The following TEX2 variants were observed in gnomAD, a reference collection of about 807,000 sequenced individuals.
TEX2 encodes testis expressed 2.
Under a neutral mutation model 106.9 loss-of-function variants are expected in TEX2, and 53 were observed. The ratio of observed to expected loss-of-function variants is 0.50; its 90% CI spans 0.40 to 0.62. The LOEUF (loss-of-function observed/expected upper bound fraction) is 0.62. TEX2 is among the 20% of genes least tolerant of loss of function. The pLI, the probability that TEX2 is intolerant of heterozygous loss-of-function variation, is 0.00. For synonymous variants in TEX2, 523 were observed against 534.8 expected, an observed-to-expected ratio of 0.98 and a Z score of 0.30; for missense variants, 1,207 against 1,379.0, an observed-to-expected ratio of 0.88 and a Z score of 1.98.
At chr17:64,210,997 T>G (rs2032985463) in intron 2 of TEX2, among the ~76,000 whole-genome samples, 1 of 152,106 alleles carries the variant, frequency 6.6e-6, no homozygotes, top group Non-Finnish European at 1.5e-5. Flanking sequence ...AGTCTCACTC[T>G]GTCACCCAGG....
intron 1 of TEX2, among the ~76,000 whole-genome samples, chr17:64,223,418 C>CCTA (rs2033416712): frequency 7.4e-6 from 1 of 135,878 alleles, no homozygotes; most frequent in South Asian, 2.4e-4. Context: ...AACTGCCCTT[C>CCTA]CTAGCTCTGT....
In TEX2 at chr17:64,148,806, T is replaced by G; in HGVS notation, c.*163A>C. On this transcript the variant is annotated 3_prime_UTR_variant, in exon 12 of 12. Transcript: ENST00000584379. ...GACAGTTGTCACTAGATGCAGGGAA[T>G]GACACCTCACAGTGGAATGGGCACT... 1 of 802,368 alleles carries G rather than the reference T, an allele frequency of 1.2e-6. No homozygotes were observed. Among genetic ancestry groups the G allele is most frequent in the Non-Finnish European group, 1.9e-6 (1 of 523,156 alleles). 49.7% of individuals were successfully genotyped at this position (802,368 alleles called of 1,614,324 possible).
At chr17:64,262,263 A>G (rs1555638654) in intron 1 of TEX2, among the ~76,000 whole-genome samples, 1 of 152,250 alleles carries the variant, frequency 6.6e-6, no homozygotes, top group Admixed American at 6.5e-5. Flanking sequence ...AAACACAGTG[A>G]CAAAGTACTT....
At position 64,236,683 on chromosome 17, in the gene TEX2, G is replaced by A. The variant is rs181802042; in HGVS notation, c.-25-22441C>T. Among the ~76,000 whole-genome samples, 461 of 152,322 alleles carry A rather than the reference G, an allele frequency of 3.0e-3. 3 individuals are homozygous for A. Among genetic ancestry groups the A allele is most frequent in the Non-Finnish European group, 2.3e-3 (157 of 68,028 alleles). On this transcript the variant is annotated intron_variant, in intron 1 of 11. Transcript: ENST00000584379. ...CTAGAACTAATCTCCTATGGATACC[G>A]AGGGATGATTACACTACAATACAGG...
chr17:64,234,891 AT>A (rs555233825), intron 1 of TEX2, among the ~76,000 whole-genome samples: 108 of 150,240 alleles, frequency 7.2e-4, no homozygotes, highest in Middle Eastern at 3.5e-3. Flanking sequence ...AAATACAGGT[AT>A]TTTTTTTTTC....
intron 1 of TEX2, among the ~76,000 whole-genome samples, chr17:64,262,472 T>C (rs975678836): frequency 6.6e-6 from 1 of 152,224 alleles, no homozygotes; most frequent in African/African-American, 2.4e-5. Context: ...TGTGGTGCAA[T>C]GTGGCCAGCC....
At chr17:64,172,865 AATAAC>A (rs1253720708) in intron 6 of TEX2, among the ~76,000 whole-genome samples, 1 of 152,260 alleles carries the variant, frequency 6.6e-6, no homozygotes, top group African/African-American at 2.4e-5. Context: ...TTCTACAGGA[AATAAC>A]ATAAGAATAC....
intron 3 of TEX2, 133 bp from the exon 4 acceptor site, chr17:64,194,022 C>T: frequency 1.9e-6 from 1 of 525,374 alleles, no homozygotes; most frequent in Non-Finnish European, 3.0e-6. Flanking sequence ...ACTTTCAACA[C>T]TTGTTCATAA....
At chr17:64,219,785 T>TCTG (rs1371502685) in intron 1 of TEX2, among the ~76,000 whole-genome samples, 1 of 152,164 alleles carries the variant, frequency 6.6e-6, no homozygotes, top group Non-Finnish European at 1.5e-5. Flanking sequence ...TAAGTCTAGT[T>TCTG]CCTGTGAAGG....
At chr17:64,206,591 G>A (rs375295334) in intron 2 of TEX2, among the ~76,000 whole-genome samples, 6 of 101,238 alleles carry the variant, frequency 5.9e-5, no homozygotes, top group South Asian at 5.7e-4. Flanking sequence ...ACGGAGTTTC[G>A]TTCTTGTTGC....
At position 64,188,432 on chromosome 17, in the gene TEX2, G is replaced by A. The variant is rs200364874; in HGVS notation, c.2177-17C>T. Reference sequence around the variant, plus strand: ...GCAAAAGCCCTGGAGCCAAGAAGACGGGGGCTATTCACACAATGAAGAAAA... The same window carrying A: ...GCAAAAGCCCTGGAGCCAAGAAGACAGGGGCTATTCACACAATGAAGAAAA... On this transcript the variant is annotated splice_polypyrimidine_tract_variant and intron_variant, in intron 4 of 11. Coordinates refer to ENST00000584379, the MANE Select transcript of TEX2 (RefSeq NM_001288732.2). 1.9e-5 allele frequency: 30 copies of A among 1,613,476 alleles called. No individual in the cohort carries two copies. Among genetic ancestry groups the A allele is most frequent in the South Asian group, 1.3e-4 (12 of 91,038 alleles).
intron 1 of TEX2, among the ~76,000 whole-genome samples, chr17:64,219,510 A>ACATAACATAACATAACATAACATAAC (rs1567951454): frequency 2.5e-4 from 25 of 99,228 alleles, no homozygotes; most frequent in African/African-American, 8.6e-4. Context: ...CATCTCATCA[A>ACATAACATAACATAACATAACATAAC]ATAAAATAAA....
At chr17:64,241,767 G>T (rs1345818011) in intron 1 of TEX2, among the ~76,000 whole-genome samples, 1 of 152,044 alleles carries the variant, frequency 6.6e-6, no homozygotes, top group Admixed American at 6.5e-5. Context: ...TGAGTAGCTA[G>T]GACTACAGGC....
At chr17:64,158,983 A>AAT (rs1263724408) in intron 8 of TEX2, among the ~76,000 whole-genome samples, 1 of 152,242 alleles carries the variant, frequency 6.6e-6, no homozygotes, top group Non-Finnish European at 1.5e-5. Flanking sequence ...ATATAAGTGA[A>AAT]ATATAATACC....
intron 6 of TEX2, among the ~76,000 whole-genome samples, chr17:64,172,652 G>C (rs114812447): frequency 6.6e-6 from 1 of 152,316 alleles, no homozygotes; most frequent in African/African-American, 2.4e-5. Context: ...CCTTGCCTTT[G>C]CTGCTCCAGA....
At position 64,188,388 on chromosome 17, in the gene TEX2, T is replaced by C. The variant is rs780091722; in HGVS notation, c.2204A>G (p.Asn735Ser). ...GTGGGTCAGGTGCCCGGACGGACTG[T>C]TGTGTCTGCTGTGTGCAGGCAAAAG... ...PGLLPAHSRH[N>S]SPSGHLTHSR... Residue 735 changes from asparagine to serine, a missense_variant, in exon 5 of 12, where the codon AAC becomes AGC. Physicochemically the swap from Asn to Ser is conservative, Grantham distance 46. Transcript: ENST00000584379. The C allele has an allele frequency of 5.0e-6, 8 of 1,614,158 alleles. No homozygotes were observed. Among genetic ancestry groups the C allele is most frequent in the Admixed American group, 1.7e-5 (1 of 60,026 alleles).
intron 6 of TEX2, among the ~76,000 whole-genome samples, chr17:64,174,097 C>T (rs888813611): frequency 1.3e-5 from 2 of 152,074 alleles, no homozygotes; most frequent in Non-Finnish European, 2.9e-5. Context: ...TCCTCCACTT[C>T]GGCCTCCCGA....
chr17:64,233,960 C>G (rs1321264292), intron 1 of TEX2, among the ~76,000 whole-genome samples: 1 of 152,208 alleles, frequency 6.6e-6, no homozygotes, highest in African/African-American at 2.4e-5. Context: ...CCCCCCAACT[C>G]AGATCCTAGG....
intron 5 of TEX2, among the ~76,000 whole-genome samples, chr17:64,179,471 C>G (rs906822580): frequency 6.6e-6 from 1 of 152,324 alleles, no homozygotes; most frequent in South Asian, 2.1e-4. Flanking sequence ...AAGCTTTGTA[C>G]TTTTGCTCTT....
Sources: gnomAD v4.1 joint callset for allele counts (sites outside exome capture counted in the v4.1 genomes callset) on GRCh38, gnomAD v4.1.1 for gene constraint, MANE v1.5 for transcripts, NCBI Gene and HGNC (gene_info 2026-07-23, HGNC 2026-07-21) for gene names.